CPLX2: variants seen among roughly 807,000 people sequenced by gnomAD.
CPLX2 encodes complexin-2.
Under a neutral mutation model 16.3 loss-of-function variants are expected in CPLX2, and 5 were observed. The ratio of observed to expected loss-of-function variants is 0.31; its 90% CI spans 0.16 to 0.64. CPLX2 has a LOEUF of 0.64. Among genes scored for constraint, CPLX2 ranks in the 30% least tolerant of loss-of-function variants. The pLI is 0.79. For synonymous variants in CPLX2, 89 were observed against 73.2 expected (o/e 1.22, Z -1.10); for missense variants, 144 against 181.4 (o/e 0.79, Z 1.18).
At chr5:175,818,570 C>G (rs1280633464) in intron 2 of CPLX2, among the ~76,000 whole-genome samples, 1 of 150,622 alleles carries the variant, frequency 6.6e-6, no homozygotes, top group Non-Finnish European at 1.5e-5. Context: ...GCTCGAGACA[C>G]AGAAACTTGC....
intron 1 of CPLX2, among the ~76,000 whole-genome samples, chr5:175,797,287 C>T (rs1406951738): frequency 6.6e-6 from 1 of 152,184 alleles, no homozygotes; most frequent in Non-Finnish European, 1.5e-5. Flanking sequence ...AGAGGTGTCA[C>T]CGGCGAGCTA....
chr5:175,846,089 AGGTC>A (rs1326149063), intron 2 of CPLX2, among the ~76,000 whole-genome samples: 5 of 152,042 alleles, frequency 3.3e-5, no homozygotes, highest in Non-Finnish European at 4.4e-5. Flanking sequence ...CTTGGCTGGC[AGGTC>A]TCCACTTCTG....
At chr5:175,852,820 C>T (rs1358445804) in intron 2 of CPLX2, among the ~76,000 whole-genome samples, 1 of 152,120 alleles carries the variant, frequency 6.6e-6, no homozygotes, top group Non-Finnish European at 1.5e-5. Context: ...GAAGGTGTCT[C>T]GCGGTGTTTT....
upstream of CPLX2, among the ~76,000 whole-genome samples, chr5:175,868,572 G>A (rs922606828): frequency 6.6e-6 from 1 of 152,140 alleles, no homozygotes; most frequent in Non-Finnish European, 1.5e-5. Context: ...TACAGAGCAG[G>A]CTCGGCAAGA....
intron 2 of CPLX2, among the ~76,000 whole-genome samples, chr5:175,839,862 A>G (rs1354381614): frequency 6.6e-6 from 1 of 152,248 alleles, no homozygotes; most frequent in Non-Finnish European, 1.5e-5. Context: ...AGGACATCCA[A>G]TTATATATAA....
chr5:175,852,816 G>A (rs1252855849), intron 2 of CPLX2, among the ~76,000 whole-genome samples: 2 of 152,192 alleles, frequency 1.3e-5, no homozygotes, highest in Admixed American at 6.5e-5. Flanking sequence ...AGGTGAAGGT[G>A]TCTCGCGGTG....
intron 2 of CPLX2, among the ~76,000 whole-genome samples, chr5:175,851,253 C>A (rs1350651577): frequency 6.6e-6 from 1 of 152,096 alleles, no homozygotes; most frequent in East Asian, 1.9e-4. Context: ...CACACCAGCA[C>A]CATTCATTCA....
chr5:175,877,294 T>C (rs1755408526), intron 1 of CPLX2, among the ~76,000 whole-genome samples: 1 of 151,318 alleles, frequency 6.6e-6, no homozygotes. Flanking sequence ...GATGGTCTGA[T>C]CACGTAGATA....
intron 2 of CPLX2, among the ~76,000 whole-genome samples, chr5:175,838,065 T>C (rs1451024027): frequency 6.6e-6 from 1 of 152,210 alleles, no homozygotes; most frequent in Non-Finnish European, 1.5e-5. Context: ...TAGAGTCCTA[T>C]TTTTGTTGCA....
At chr5:175,828,673 G>A (rs956846107) in intron 2 of CPLX2, among the ~76,000 whole-genome samples, 3 of 152,216 alleles carry the variant, frequency 2.0e-5, no homozygotes, top group East Asian at 1.9e-4. Context: ...TGGGTGAGGC[G>A]CTGTCCCTCT....
intron 2 of CPLX2, among the ~76,000 whole-genome samples, chr5:175,812,582 A>G (rs1043767973): frequency 6.6e-6 from 1 of 152,204 alleles, no homozygotes; most frequent in Non-Finnish European, 1.5e-5. Context: ...GGTCCAAGGT[A>G]GAGACGCCTA....
At chr5:175,864,701 T>C (rs1759433653) in intron 2 of CPLX2, among the ~76,000 whole-genome samples, 1 of 152,088 alleles carries the variant, frequency 6.6e-6, no homozygotes, top group Admixed American at 6.5e-5. Flanking sequence ...TGCTGTAGGC[T>C]CTCCATATAT....
At chr5:175,862,638 A>T (rs1210691941) in intron 2 of CPLX2, among the ~76,000 whole-genome samples, 1 of 152,266 alleles carries the variant, frequency 6.6e-6, no homozygotes. Flanking sequence ...TGGACTTTAT[A>T]CTGAAGGCAA....
chr5:175,875,800 C>T (rs1375772253), intron 1 of CPLX2, among the ~76,000 whole-genome samples: 3 of 152,072 alleles, frequency 2.0e-5, no homozygotes, highest in African/African-American at 7.2e-5. Flanking sequence ...TGGGATCAGG[C>T]AGCAGGATTT....
chr5:175,829,231 T>C (rs1034484042), intron 2 of CPLX2, among the ~76,000 whole-genome samples: 3 of 152,210 alleles, frequency 2.0e-5, no homozygotes, highest in African/African-American at 7.2e-5. Context: ...AAGGGAGGCA[T>C]TACCGTCCCC....
At chr5:175,804,277 C>A (rs953844782) in intron 1 of CPLX2, among the ~76,000 whole-genome samples, 1 of 152,144 alleles carries the variant, frequency 6.6e-6, no homozygotes, top group African/African-American at 2.4e-5. Context: ...CACTAGGAGC[C>A]AGTATCAAGA....
At chr5:175,868,230 G>A (rs73328332), upstream of CPLX2, among the ~76,000 whole-genome samples, 827 of 152,282 alleles carry the variant, frequency 5.4e-3, 8 homozygotes, top group African/African-American at 0.018. Flanking sequence ...CCTCTGGGCT[G>A]AGGCAATTGC....
intron 2 of CPLX2, among the ~76,000 whole-genome samples, chr5:175,859,834 T>C (rs1759328928): frequency 6.6e-6 from 1 of 152,172 alleles, no homozygotes; most frequent in African/African-American, 2.4e-5. Flanking sequence ...GTGAGAATAT[T>C]AAATGGTGGG....
At chr5:175,837,269 G>A (rs141672427) in intron 2 of CPLX2, among the ~76,000 whole-genome samples, 1 of 152,284 alleles carries the variant, frequency 6.6e-6, no homozygotes, top group East Asian at 1.9e-4. Flanking sequence ...GGGCGTCTCT[G>A]CACGGCTCCC....
Sources: gnomAD v4.1 joint callset for allele counts (sites outside exome capture counted in the v4.1 genomes callset) on GRCh38, gnomAD v4.1.1 for gene constraint, MANE v1.5 for transcripts, NCBI Gene and HGNC (gene_info 2026-07-23, HGNC 2026-07-21) for gene names.